LRRC3B: variants seen among roughly 807,000 people sequenced by gnomAD.
LRRC3B encodes the protein leucine-rich repeat-containing protein 3B.
In LRRC3B, 2 loss-of-function variants were observed where a neutral mutation model predicts 12.8. That is an observed-to-expected ratio of 0.16 (90% confidence interval 0.06 to 0.49). LRRC3B has a LOEUF of 0.49. LRRC3B is among the 20% of genes least tolerant of loss of function. The pLI, the probability that LRRC3B is intolerant of heterozygous loss-of-function variation, is 0.96. For missense variants in LRRC3B, 189 were observed against 319.4 expected, an observed-to-expected ratio of 0.59 and a Z score of 3.11; for synonymous variants, 132 against 122.0, an observed-to-expected ratio of 1.08 and a Z score of -0.54.
intron 1 of LRRC3B, among the ~76,000 whole-genome samples, chr3:26,661,926 C>G (rs1185123907): frequency 6.6e-6 from 1 of 152,110 alleles, no homozygotes; most frequent in Non-Finnish European, 1.5e-5. Flanking sequence ...CAGAAAGGCC[C>G]AGAATAAAGA....
intron 1 of LRRC3B, among the ~76,000 whole-genome samples, chr3:26,668,036 G>A (rs572344693): frequency 3.3e-5 from 5 of 151,690 alleles, no homozygotes; most frequent in Middle Eastern, 3.2e-3. Context: ...GTAATGTTTT[G>A]GACATATAAT....
chr3:26,690,216 AT>A (rs1700162380), intron 1 of LRRC3B, among the ~76,000 whole-genome samples: 1 of 152,234 alleles, frequency 6.6e-6, no homozygotes, highest in Non-Finnish European at 1.5e-5. Flanking sequence ...CTTCATGTTA[AT>A]ATGATGATGT....
intron 1 of LRRC3B, among the ~76,000 whole-genome samples, chr3:26,641,764 T>A (rs1038314334): frequency 6.6e-6 from 1 of 152,094 alleles, no homozygotes. Flanking sequence ...TTTAAAAAAA[T>A]TAATAAATTT....
At chr3:26,631,318 C>T (rs1320365361) in intron 1 of LRRC3B, among the ~76,000 whole-genome samples, 1 of 152,180 alleles carries the variant, frequency 6.6e-6, no homozygotes, top group African/African-American at 2.4e-5. Context: ...GCATTTCAGC[C>T]AAAAGTTTCA....
intron 1 of LRRC3B, among the ~76,000 whole-genome samples, chr3:26,669,867 A>G (rs1283998620): frequency 6.6e-6 from 1 of 152,206 alleles, no homozygotes; most frequent in African/African-American, 2.4e-5. Context: ...CAGTTCAATT[A>G]GGTTCAGTTT....
chr3:26,672,237 T>C (rs1383393151), intron 1 of LRRC3B, among the ~76,000 whole-genome samples: 4 of 152,156 alleles, frequency 2.6e-5, no homozygotes, highest in Non-Finnish European at 5.9e-5. Context: ...CTAGTTAATA[T>C]AATATCCTAG....
intron 1 of LRRC3B, among the ~76,000 whole-genome samples, chr3:26,627,094 GATA>G (rs1390394301): frequency 6.6e-6 from 1 of 152,176 alleles, no homozygotes; most frequent in Non-Finnish European, 1.5e-5. Flanking sequence ...TGTCACTTCC[GATA>G]ATATTTGCCA....
intron 1 of LRRC3B, among the ~76,000 whole-genome samples, chr3:26,638,634 C>T (rs567988997): frequency 6.6e-6 from 1 of 152,266 alleles, no homozygotes; most frequent in South Asian, 2.1e-4. Context: ...ACTTATTTAA[C>T]AAACATGCCA....
chr3:26,702,448 C>T (rs998515372), intron 1 of LRRC3B, among the ~76,000 whole-genome samples: 9 of 151,818 alleles, frequency 5.9e-5, no homozygotes, highest in Non-Finnish European at 8.8e-5. Flanking sequence ...ATCAGGAAAG[C>T]TATTCTACAG....
chr3:26,664,190 A>C (rs562794191), intron 1 of LRRC3B, among the ~76,000 whole-genome samples: 36 of 152,184 alleles, frequency 2.4e-4, no homozygotes, highest in African/African-American at 7.9e-4. Flanking sequence ...GTTTTGGTCC[A>C]TGAGTTTTGC....
intron 1 of LRRC3B, among the ~76,000 whole-genome samples, chr3:26,671,413 G>GAGAGAGAGACAGAGAGAGAC (rs9331540): frequency 1.0e-5 from 1 of 99,386 alleles, no homozygotes; most frequent in African/African-American, 4.3e-5. Flanking sequence ...GAGAGAGAGA[G>GAGAGAGAGACAGAGAGAGAC]ACGAAGTCTT....
In LRRC3B at chr3:26,705,990, T is replaced by G. The variant is rs184935261; in HGVS notation, c.-160-3523T>G. Among the ~76,000 whole-genome samples, 9 of 152,286 alleles carry G rather than the reference T, an allele frequency of 5.9e-5. No homozygotes were observed. In the East Asian group the frequency reaches 1.7e-3, roughly 29 times the overall value. ...TGTCTACATCCTGGACATCTAAGTCTTTTTGCACTGCTAAAGCAATAGAAA... is the reference window on the plus strand; with the variant it reads ...TGTCTACATCCTGGACATCTAAGTCGTTTTGCACTGCTAAAGCAATAGAAA... On this transcript the variant is annotated intron_variant, in intron 1 of 1. Transcript: ENST00000396641.
rs139024582 is a variant in LRRC3B at position 26,675,452 on chromosome 3, G to C, written c.-160-34061G>C. Among the ~76,000 whole-genome samples, 50 of 152,290 alleles carry C rather than the reference G, an allele frequency of 3.3e-4. 1 individual carries two copies. The East Asian group carries it at 7.7e-3, about 24-fold the overall frequency. ...TGGTGCTCCAGAGAGTGAGAATGTA[G>C]GAAAAGCGGTTGGTGGCATGGAAAC... is the stretch of plus-strand genomic sequence containing the variant. On this transcript the variant is annotated intron_variant, in intron 1 of 1. Coordinates refer to ENST00000396641, the Ensembl canonical transcript of LRRC3B.
chr3:26,645,509 C>A (rs1699123691), intron 1 of LRRC3B, among the ~76,000 whole-genome samples: 1 of 152,060 alleles, frequency 6.6e-6, no homozygotes, highest in South Asian at 2.1e-4. Context: ...TACTATTACA[C>A]AAAGAATGGC....
At chr3:26,669,493 G>A (rs988165429) in intron 1 of LRRC3B, among the ~76,000 whole-genome samples, 7 of 152,038 alleles carry the variant, frequency 4.6e-5, no homozygotes, top group African/African-American at 1.7e-4. Context: ...AAGTATTTGT[G>A]AAATAAGGAG....
intron 1 of LRRC3B, among the ~76,000 whole-genome samples, chr3:26,641,774 TA>T (rs1284028817): frequency 6.6e-6 from 1 of 151,760 alleles, no homozygotes; most frequent in Non-Finnish European, 1.5e-5. Context: ...TTAATAAATT[TA>T]AAAAAATCAA....
At chr3:26,647,249 T>A (rs894654911) in intron 1 of LRRC3B, among the ~76,000 whole-genome samples, 3 of 152,140 alleles carry the variant, frequency 2.0e-5, no homozygotes, top group Non-Finnish European at 4.4e-5. Context: ...ACCCTGAGGT[T>A]TTTCTTCATG....
At chr3:26,633,566 A>ACCCC (rs1488077206) in intron 1 of LRRC3B, among the ~76,000 whole-genome samples, 2 of 152,238 alleles carry the variant, frequency 1.3e-5, no homozygotes, top group African/African-American at 4.8e-5. Context: ...AAGCCTGGTT[A>ACCCC]TTCCAGGGGT....
At chr3:26,698,731 C>T (rs888022579) in intron 1 of LRRC3B, among the ~76,000 whole-genome samples, 48 of 152,048 alleles carry the variant, frequency 3.2e-4, no homozygotes, top group African/African-American at 9.4e-4. Context: ...AGATATATTT[C>T]GTTTTTGCTG....
Sources: gnomAD v4.1 joint callset for allele counts (sites outside exome capture counted in the v4.1 genomes callset) on GRCh38, gnomAD v4.1.1 for gene constraint, MANE v1.5 for transcripts, NCBI Gene and HGNC (gene_info 2026-07-23, HGNC 2026-07-21) for gene names.